The following FBN1 variants were observed in gnomAD, a reference collection of about 807,000 sequenced individuals.
The protein encoded by FBN1 is fibrillin 1, also known as fibrillin-1.
Under a neutral mutation model 365.1 loss-of-function variants are expected in FBN1, and 29 were observed. The observed-to-expected ratio is 0.08, with a 90% CI of 0.06 to 0.11. The LOEUF (loss-of-function observed/expected upper bound fraction) is 0.11, where lower values mean the gene tolerates loss of function less well. Ranked by LOEUF, FBN1 falls within the 10% of genes least tolerant of loss-of-function variation. The pLI, the probability that FBN1 is intolerant of heterozygous loss-of-function variation, is 1.00. For synonymous variants in FBN1, 1,210 were observed against 1,270.5 expected, an observed-to-expected ratio of 0.95 and a Z score of 1.01; for missense variants, 2,476 against 3,703.2, an observed-to-expected ratio of 0.67 and a Z score of 8.60.
chr15:48,524,344 T>C (rs2043889284), intron 9 of FBN1, among the ~76,000 whole-genome samples: 2 of 152,232 alleles, frequency 1.3e-5, no homozygotes, highest in African/African-American at 4.8e-5. Flanking sequence ...CATACCACTA[T>C]CTACATAGGA....
intron 2 of FBN1, among the ~76,000 whole-genome samples, chr15:48,622,025 T>C (rs1889779738): frequency 6.6e-6 from 1 of 151,672 alleles, no homozygotes; most frequent in Non-Finnish European, 1.5e-5. Context: ...AAAAATTGGT[T>C]CATTAATTAC....
intron 4 of FBN1, among the ~76,000 whole-genome samples, chr15:48,609,228 G>C (rs1336612017): frequency 6.6e-6 from 1 of 152,204 alleles, no homozygotes; most frequent in African/African-American, 2.4e-5. Flanking sequence ...TTACTCGGAA[G>C]ATGCATGTCT....
intron 54 of FBN1, 87 bp from the exon 55 acceptor site, chr15:48,433,075 C>T (rs1225273246): frequency 2.1e-6 from 3 of 1,463,110 alleles, no homozygotes; most frequent in Non-Finnish European, 2.9e-6. Flanking sequence ...TAAAACTTTA[C>T]CAAAAGTTGC....
chr15:48,526,309 TCGTC>T, intron 8 of FBN1, 54 bp from the exon 9 acceptor site: 1 of 1,595,264 alleles, frequency 6.3e-7, no homozygotes, highest in Non-Finnish European at 8.6e-7. Flanking sequence ...ATAAAACCAT[TCGTC>T]AGTAGAAGGA....
intron 9 of FBN1, 41 bp downstream of exon 9, chr15:48,526,085 AACTG>A: frequency 2.5e-6 from 4 of 1,612,196 alleles, no homozygotes; most frequent in Non-Finnish European, 3.4e-6. Flanking sequence ...TTTGTTATGG[AACTG>A]ACTTACACAA....
At chr15:48,552,084 G>C (rs938804258) in intron 6 of FBN1, among the ~76,000 whole-genome samples, 1 of 152,126 alleles carries the variant, frequency 6.6e-6, no homozygotes, top group Non-Finnish European at 1.5e-5. Flanking sequence ...TCACCACACT[G>C]TCTTCCACAA....
chr15:48,463,327 C>A, intron 41 of FBN1, 87 bp from the exon 42 acceptor site: 1 of 1,288,706 alleles, frequency 7.8e-7, no homozygotes, highest in Non-Finnish European at 1.1e-6. Flanking sequence ...ACTCAACAAG[C>A]AAGTTTCATT....
At chr15:48,567,998 T>TAAGAAAGAAAGAAAGA (rs55984910) in intron 6 of FBN1, among the ~76,000 whole-genome samples, 1,285 of 56,460 alleles carry the variant, frequency 0.023, 36 homozygotes, top group East Asian at 0.055. Context: ...AGTATACAGA[T>TAAGAAAGAAAGAAAGA]AAGAAAGAAA....
intron 2 of FBN1, among the ~76,000 whole-genome samples, chr15:48,632,039 G>C (rs1889998539): frequency 6.6e-6 from 1 of 152,184 alleles, no homozygotes. Context: ...TTGAGGGGGT[G>C]CATATTAATA....
At position 48,515,671 on chromosome 15, in the gene FBN1, A is replaced by G. The variant is rs16961071; in HGVS notation, c.1328-144T>C. The G allele has an allele frequency of 0.011, 11,681 of 1,067,500 alleles. 938 individuals carry two copies. The African/African-American group carries it at 0.17, about 15-fold the overall frequency. 66.1% of individuals were successfully genotyped at this position (1,067,500 alleles called of 1,614,324 possible). On this transcript the variant is annotated intron_variant, in intron 11 of 65. Coordinates refer to ENST00000316623, the MANE Select transcript of FBN1 (RefSeq NM_000138.5). ...AAAGGTCGTCTGGTGACAACAGAGC[A>G]TATTTCCACCCTGCCAACAGAGATC...
intron 42 of FBN1, among the ~76,000 whole-genome samples, chr15:48,460,889 C>G (rs750588548): frequency 3.3e-5 from 5 of 152,096 alleles, no homozygotes; most frequent in Admixed American, 1.3e-4. Flanking sequence ...CTGTCTCTCT[C>G]TGTCTTTCTC....
At chr15:48,600,740 C>T (rs2044558311) in intron 4 of FBN1, among the ~76,000 whole-genome samples, 1 of 152,156 alleles carries the variant, frequency 6.6e-6, no homozygotes, top group Admixed American at 6.5e-5. Flanking sequence ...GCAATTGTTT[C>T]TCTGGCATTC....
chr15:48,588,899 G>A (rs1448278275), intron 6 of FBN1, among the ~76,000 whole-genome samples: 3 of 152,196 alleles, frequency 2.0e-5, no homozygotes, highest in Admixed American at 6.5e-5. Flanking sequence ...GAAGTCTGGA[G>A]GACACTGTGG....
chr15:48,575,412 T>C (rs1256068104), intron 6 of FBN1, among the ~76,000 whole-genome samples: 2 of 152,172 alleles, frequency 1.3e-5, no homozygotes, highest in Non-Finnish European at 2.9e-5. Flanking sequence ...TATTGCATAA[T>C]GGCAAACTCT....
chr15:48,567,467 T>G (rs991491084), intron 6 of FBN1, among the ~76,000 whole-genome samples: 10 of 152,056 alleles, frequency 6.6e-5, no homozygotes, highest in Admixed American at 1.3e-4. Context: ...AACTTTTCTG[T>G]GAGCCAGGAT....
At chr15:48,622,645 C>T (rs1889791351) in intron 2 of FBN1, among the ~76,000 whole-genome samples, 3 of 152,084 alleles carry the variant, frequency 2.0e-5, no homozygotes, top group African/African-American at 7.2e-5. Context: ...CCCTACAGCC[C>T]AAAGATGGAC....
chr15:48,576,049 C>T (rs2044344406), intron 6 of FBN1, among the ~76,000 whole-genome samples: 1 of 152,108 alleles, frequency 6.6e-6, no homozygotes, highest in South Asian at 2.1e-4. Flanking sequence ...GGAGTGGTCT[C>T]ACCTACTTGT....
intron 6 of FBN1, among the ~76,000 whole-genome samples, chr15:48,570,261 C>T (rs2044296429): frequency 2.0e-5 from 3 of 152,144 alleles, no homozygotes; most frequent in South Asian, 2.1e-4. Context: ...AATCCTAGGA[C>T]TTAACACAGT....
At chr15:48,449,447 T>C (rs2043183959) in intron 45 of FBN1, among the ~76,000 whole-genome samples, 2 of 152,196 alleles carry the variant, frequency 1.3e-5, no homozygotes, top group African/African-American at 4.8e-5. Flanking sequence ...TACACAGGGC[T>C]CCTTTTAGCA....
Sources: gnomAD v4.1 joint callset for allele counts (sites outside exome capture counted in the v4.1 genomes callset) on GRCh38, gnomAD v4.1.1 for gene constraint, MANE v1.5 for transcripts, NCBI Gene and HGNC (gene_info 2026-07-23, HGNC 2026-07-21) for gene names.